Variants in PPARA observed in about 807,000 individuals in gnomAD.
The protein encoded by PPARA is peroxisome proliferator activated receptor alpha, also known as peroxisome proliferator-activated receptor alpha.
A neutral mutation model predicts 42.2 loss-of-function variants in PPARA; 22 were observed. That is an observed-to-expected ratio of 0.52 (90% CI 0.37 to 0.74). The LOEUF (loss-of-function observed/expected upper bound fraction) is 0.74, where lower values mean the gene tolerates loss of function less well. Ranked by LOEUF, PPARA falls within the 30% of genes least tolerant of loss-of-function variation. The pLI is 0.00. For synonymous variants in PPARA, 242 were observed against 239.3 expected (o/e 1.01, Z -0.10); for missense variants, 465 against 608.2 (o/e 0.76, Z 2.48).
intron 4 of PPARA, among the ~76,000 whole-genome samples, chr22:46,206,526 A>C (rs1007923823): frequency 6.6e-6 from 1 of 152,082 alleles, no homozygotes. Flanking sequence ...TATCTCTCTA[A>C]TGTCTCCCAG....
In PPARA at chr22:46,221,525, C is replaced by T. The variant is rs1047097886; in HGVS notation, c.711+1511C>T. ...TAGAAAGGGCCACTTGTAAGCCAGG[C>T]GTGGTGGCTCACGCCTGTCATCCCA... On this transcript the variant is annotated intron_variant, in intron 7 of 8. Coordinates refer to ENST00000407236, the MANE Select transcript of PPARA (RefSeq NM_005036.6). The surrounding 1 kb of genome is among the most constrained non-coding windows in gnomAD (Gnocchi z 5.9). 5.3e-5 allele frequency among the ~76,000 whole-genome samples: 8 copies of T among 152,214 alleles called. No individual in the cohort carries two copies. The highest frequency in any genetic ancestry group is 1.3e-4 in the Admixed American group (2 of 15,274).
At position 46,190,244 on chromosome 22, in the gene PPARA, A is replaced by G. The variant is rs902639579; in HGVS notation, c.-42-8098A>G. 6.6e-5 allele frequency among the ~76,000 whole-genome samples: 10 copies of G among 152,224 alleles called. No individual in the cohort carries two copies. Among genetic ancestry groups the G allele is most frequent in the African/African-American group, 2.4e-4 (10 of 41,462 alleles). On this transcript the variant is annotated intron_variant, in intron 3 of 8. Transcript: ENST00000407236. The surrounding 1 kb of genome is among the most constrained non-coding windows in gnomAD (Gnocchi z 5.6). ...CTGCCCCAGCAACACTACTCGTTTG[A>G]GAAGACTTCCATCCTTTACCCTCAA...
intron 4 of PPARA, among the ~76,000 whole-genome samples, chr22:46,199,044 C>T (rs926216105): frequency 2.0e-5 from 3 of 152,182 alleles, no homozygotes; most frequent in Non-Finnish European, 4.4e-5. Flanking sequence ...CTCCAGTGCC[C>T]CTGGGCCCTG....
At chr22:46,177,408 G>C (rs1929305079) in intron 3 of PPARA, among the ~76,000 whole-genome samples, 2 of 148,686 alleles carry the variant, frequency 1.3e-5, no homozygotes, top group South Asian at 4.3e-4. Flanking sequence ...AGGTTGCAGT[G>C]AGCTGAGACC....
Position 46,186,091 on chromosome 22 carries a change from G to A in PPARA, c.-43+9255G>A, listed in dbSNP as rs184332555. ...TTGGCCCCTAAAAGTTAAAGGGAAA[G>A]GGCCTTTTCTCTTTCCTTTAAAACC... is the stretch of plus-strand genomic sequence containing the variant. On this transcript the variant is annotated intron_variant, in intron 3 of 8. Transcript: ENST00000407236. 8.5e-3 allele frequency among the ~76,000 whole-genome samples: 1,277 copies of A among 150,530 alleles called. 13 individuals are homozygous for A. The highest frequency in any genetic ancestry group is 0.029 in the African/African-American group (1,206 of 40,964).
rs1359170812 is a variant in PPARA at position 46,222,698 on chromosome 22, C to T, written c.711+2684C>T. ...TTGGGATGGCTAAAACTTTTGTTTG[C>T]CAGCTTATATTTCTCCCTTGGATTT... On this transcript the variant is annotated intron_variant, in intron 7 of 8. Coordinates refer to ENST00000407236, the MANE Select transcript of PPARA (RefSeq NM_005036.6). The surrounding 1 kb of genome is among the most constrained non-coding windows in gnomAD (Gnocchi z 5.9). Among the ~76,000 whole-genome samples the T allele has an allele frequency of 6.6e-6, 1 of 152,132 alleles. No individual in the cohort carries two copies. The highest frequency in any genetic ancestry group is 1.5e-5 in the Non-Finnish European group (1 of 68,036).
At chr22:46,172,468 A>G (rs1358235440) in intron 2 of PPARA, among the ~76,000 whole-genome samples, 1 of 152,090 alleles carries the variant, frequency 6.6e-6, no homozygotes, top group Non-Finnish European at 1.5e-5. Context: ...AAATGCAAAA[A>G]TTAGCCAGGC....
Position 46,218,420 on chromosome 22 carries a change from C to T in PPARA, c.508+19C>T. The T allele has an allele frequency of 6.2e-7, 1 of 1,614,064 alleles. No homozygotes were observed. The highest frequency in any genetic ancestry group is 2.2e-5 in the East Asian group (1 of 44,886). On this transcript the variant is annotated intron_variant, in intron 6 of 8. Transcript: ENST00000407236. The stretch of plus-strand genomic sequence containing the variant: ...CACAACGGTAGGTAAGGTGGCCCTG[C>T]ACATTTTCCCAGTTCGTTCCTCAGT...
chr22:46,154,393 G>A (rs1475965907), intron 2 of PPARA, among the ~76,000 whole-genome samples: 1 of 152,158 alleles, frequency 6.6e-6, no homozygotes, highest in African/African-American at 2.4e-5. Flanking sequence ...CGAAGGGGAT[G>A]GATTGCTTGA....
chr22:46,152,865 G>A (rs773513209), intron 2 of PPARA, among the ~76,000 whole-genome samples: 5 of 152,070 alleles, frequency 3.3e-5, no homozygotes, highest in Non-Finnish European at 7.4e-5. Context: ...TGGGCAGATC[G>A]CTTGAGGCCA....
Position 46,221,135 on chromosome 22 carries a change from G to A in PPARA, c.711+1121G>A, listed in dbSNP as rs1934966059. ...ACTCATAGCAGAAGGTGAAGTGGGA[G>A]TAGGCGTCTTGCATGGCAGGAGCAA... On this transcript the variant is annotated intron_variant, in intron 7 of 8. Transcript: ENST00000407236. This position sits in a 1 kb window ranked among gnomAD's most constrained non-coding sequence, Gnocchi z 5.9. Among the ~76,000 whole-genome samples, 1 of 152,164 alleles carries A rather than the reference G, an allele frequency of 6.6e-6. No homozygotes were observed. The highest frequency in any genetic ancestry group is 1.5e-5 in the Non-Finnish European group (1 of 68,046).
At chr22:46,168,500 A>C (rs1250978259) in intron 2 of PPARA, among the ~76,000 whole-genome samples, 1 of 151,878 alleles carries the variant, frequency 6.6e-6, no homozygotes, top group African/African-American at 2.4e-5. Flanking sequence ...TAGAGAAAAT[A>C]TTTACAAAAC....
At chr22:46,208,635 G>A (rs1429313051) in intron 4 of PPARA, among the ~76,000 whole-genome samples, 1 of 151,490 alleles carries the variant, frequency 6.6e-6, no homozygotes, top group Non-Finnish European at 1.5e-5. Context: ...GTGGGTAGTA[G>A]ATCACTAAAT....
rs1935777300 is a variant in PPARA at position 46,230,288 on chromosome 22, T to C, written c.712-1504T>C. On this transcript the variant is annotated intron_variant, in intron 7 of 8. Transcript: ENST00000407236. The surrounding 1 kb of genome is among the most constrained non-coding windows in gnomAD (Gnocchi z 5.0). ...CAGAAGGCTGAGGCGGGAGAATCGC[T>C]TGAACCTGGGAGGCCGAGGTTGCAG... Among the ~76,000 whole-genome samples, 1 of 152,138 alleles carries C rather than the reference T, an allele frequency of 6.6e-6. No individual in the cohort carries two copies. Among genetic ancestry groups the C allele is most frequent in the African/African-American group, 2.4e-5 (1 of 41,426 alleles).
At position 46,225,264 on chromosome 22, in the gene PPARA, A is replaced by G. The variant is rs1935327267; in HGVS notation, c.711+5250A>G. Among the ~76,000 whole-genome samples the G allele has an allele frequency of 6.6e-6, 1 of 152,084 alleles. No individual in the cohort carries two copies. Among genetic ancestry groups the G allele is most frequent in the Admixed American group, 6.5e-5 (1 of 15,270 alleles). On this transcript the variant is annotated intron_variant, in intron 7 of 8. Transcript: ENST00000407236. The surrounding 1 kb of genome is among the most constrained non-coding windows in gnomAD (Gnocchi z 4.1). ...TGGTCAGGGCCCTTGGTGATGGGGAAGGGCGCCTCTGGGGAACTCACTGCC... is the reference window on the plus strand; with the variant it reads ...TGGTCAGGGCCCTTGGTGATGGGGAGGGGCGCCTCTGGGGAACTCACTGCC...
chr22:46,205,816 G>C (rs1933248574), intron 4 of PPARA, among the ~76,000 whole-genome samples: 2 of 151,616 alleles, frequency 1.3e-5, no homozygotes, highest in Non-Finnish European at 2.9e-5. Context: ...TTGATGAACT[G>C]AACCTTTTAT....
Position 46,200,965 on chromosome 22 carries a change from G to C in PPARA, c.208+2374G>C, listed in dbSNP as rs1418497738. 6.9e-6 allele frequency among the ~76,000 whole-genome samples: 1 copy of C among 145,932 alleles called. No homozygotes were observed. Among genetic ancestry groups the C allele is most frequent in the East Asian group, 2.1e-4 (1 of 4,820 alleles). Reference sequence around the variant, plus strand: ...GTGGTGGCTCATGCCTGTAATCCCAGCACTTTGGGAGGCTGAGGCGGGCGG... The same window carrying C: ...GTGGTGGCTCATGCCTGTAATCCCACCACTTTGGGAGGCTGAGGCGGGCGG... On this transcript the variant is annotated intron_variant, in intron 4 of 8. Coordinates refer to ENST00000407236, the MANE Select transcript of PPARA (RefSeq NM_005036.6). The surrounding 1 kb of genome is among the most constrained non-coding windows in gnomAD (Gnocchi z 4.8).
At chr22:46,214,761 G>A (rs1474162332) in intron 4 of PPARA, among the ~76,000 whole-genome samples, 4 of 151,326 alleles carry the variant, frequency 2.6e-5, no homozygotes, top group East Asian at 1.9e-4. Flanking sequence ...GTGCAGGTCC[G>A]GAGATGCGCG....
At chr22:46,181,189 T>C (rs1043370802) in intron 3 of PPARA, among the ~76,000 whole-genome samples, 1 of 151,660 alleles carries the variant, frequency 6.6e-6, no homozygotes, top group South Asian at 2.1e-4. Flanking sequence ...ATGGGAAGAG[T>C]GGCTTCCTGC....
Sources: gnomAD v4.1 joint callset for allele counts (sites outside exome capture counted in the v4.1 genomes callset) on GRCh38, gnomAD v4.1.1 for gene constraint, Gnocchi (gnomAD v3.1) non-coding constraint, MANE v1.5 for transcripts, NCBI Gene and HGNC (gene_info 2026-07-23, HGNC 2026-07-21) for gene names.